TMEM163: variants seen among roughly 807,000 people sequenced by gnomAD.
TMEM163 encodes the protein transmembrane protein 163.
Under a neutral mutation model 29.3 loss-of-function variants are expected in TMEM163, and 17 were observed. That is an observed-to-expected ratio of 0.58 (90% CI 0.40 to 0.87). The LOEUF is 0.87. TMEM163 is among the 40% of genes least tolerant of loss of function. TMEM163 has a pLI of 0.00. For synonymous variants in TMEM163, 157 were observed against 160.6 expected, an observed-to-expected ratio of 0.98 and a Z score of 0.17; for missense variants, 303 against 381.5, an observed-to-expected ratio of 0.79 and a Z score of 1.71.
At chr2:134,583,829 C>T (rs1681751028) in intron 2 of TMEM163, among the ~76,000 whole-genome samples, 1 of 152,172 alleles carries the variant, frequency 6.6e-6, no homozygotes, top group Admixed American at 6.5e-5. Flanking sequence ...CCCTCAATCC[C>T]TCCCATCTTT....
intron 2 of TMEM163, among the ~76,000 whole-genome samples, chr2:134,620,308 G>C (rs1239450201): frequency 6.6e-6 from 1 of 151,040 alleles, no homozygotes; most frequent in African/African-American, 2.4e-5. Context: ...CCAAGCTAGA[G>C]TGCAATGGCG....
intron 4 of TMEM163, among the ~76,000 whole-genome samples, chr2:134,506,661 G>C (rs562548806): frequency 9.8e-5 from 15 of 152,288 alleles, no homozygotes; most frequent in African/African-American, 3.6e-4. Context: ...CCAGCCACAC[G>C]AAAGCTCTGG....
intron 2 of TMEM163, among the ~76,000 whole-genome samples, chr2:134,585,619 G>A (rs1462872645): frequency 2.6e-5 from 4 of 152,072 alleles, no homozygotes; most frequent in Non-Finnish European, 5.9e-5. Context: ...GCGGGCACCT[G>A]TAGTCCCAGC....
At chr2:134,554,782 C>T (rs1396133907) in intron 2 of TMEM163, among the ~76,000 whole-genome samples, 2 of 152,064 alleles carry the variant, frequency 1.3e-5, no homozygotes, top group Admixed American at 6.5e-5. Context: ...AGGAACGATC[C>T]GCTTGTGAGA....
intron 4 of TMEM163, among the ~76,000 whole-genome samples, chr2:134,511,116 T>C (rs975888918): frequency 7.5e-6 from 1 of 133,262 alleles, no homozygotes; most frequent in Non-Finnish European, 1.5e-5. Flanking sequence ...CTGTACATTA[T>C]ATACAGAGAC....
At chr2:134,711,273 T>C (rs2104899696) in intron 2 of TMEM163, among the ~76,000 whole-genome samples, 1 of 152,122 alleles carries the variant, frequency 6.6e-6, no homozygotes, top group East Asian at 1.9e-4. Flanking sequence ...AACAACACAA[T>C]CACAGACCAT....
intron 2 of TMEM163, among the ~76,000 whole-genome samples, chr2:134,576,250 G>A (rs1157731424): frequency 6.6e-6 from 1 of 152,164 alleles, no homozygotes. Flanking sequence ...ATTAGGTTAT[G>A]GACTGTGACT....
At chr2:134,576,490 A>G (rs1041293392) in intron 2 of TMEM163, among the ~76,000 whole-genome samples, 2 of 152,240 alleles carry the variant, frequency 1.3e-5, no homozygotes, top group Non-Finnish European at 2.9e-5. Context: ...AAGTGGCAAT[A>G]AGAATTTTAA....
intron 2 of TMEM163, among the ~76,000 whole-genome samples, chr2:134,699,590 T>C (rs1384377838): frequency 6.6e-6 from 1 of 152,234 alleles, no homozygotes; most frequent in South Asian, 2.1e-4. Flanking sequence ...ACATCACATA[T>C]GCATTCCCTG....
chr2:134,674,329 T>C (rs1171992241), intron 2 of TMEM163, among the ~76,000 whole-genome samples: 2 of 147,852 alleles, frequency 1.4e-5, no homozygotes, highest in Non-Finnish European at 3.0e-5. Context: ...AAAATCAAAA[T>C]AGAGTCATTA....
intron 2 of TMEM163, among the ~76,000 whole-genome samples, chr2:134,562,416 A>G (rs1399726879): frequency 1.3e-5 from 2 of 152,244 alleles, no homozygotes; most frequent in Non-Finnish European, 2.9e-5. Context: ...TGTGACAGTC[A>G]ATTCAGACCA....
At chr2:134,521,877 C>T (rs1680197779) in intron 4 of TMEM163, among the ~76,000 whole-genome samples, 1 of 152,190 alleles carries the variant, frequency 6.6e-6, no homozygotes, top group African/African-American at 2.4e-5. Context: ...TCTCCCACCA[C>T]TCCTCATACC....
At chr2:134,457,648 A>G (rs1447046246) in intron 7 of TMEM163, among the ~76,000 whole-genome samples, 1 of 152,210 alleles carries the variant, frequency 6.6e-6, no homozygotes, top group Non-Finnish European at 1.5e-5. Context: ...ACACTGTTGC[A>G]TCCCCCATTT....
intron 2 of TMEM163, among the ~76,000 whole-genome samples, chr2:134,670,377 T>C (rs796114098): frequency 6.6e-6 from 1 of 152,304 alleles, no homozygotes; most frequent in African/African-American, 2.4e-5. Flanking sequence ...TGGCTAGAAG[T>C]GCATGGCCTC....
chr2:134,485,235 G>T (rs1679281814), intron 5 of TMEM163, among the ~76,000 whole-genome samples: 1 of 152,128 alleles, frequency 6.6e-6, no homozygotes, highest in African/African-American at 2.4e-5. Context: ...GCTGATAGTT[G>T]GTCAAAATCA....
chr2:134,498,071 C>A (rs1679612704), intron 5 of TMEM163, among the ~76,000 whole-genome samples: 2 of 152,222 alleles, frequency 1.3e-5, no homozygotes, highest in South Asian at 4.1e-4. Flanking sequence ...ACTAACTGTT[C>A]ATTTGATCCT....
At chr2:134,482,659 C>A (rs1252816105) in intron 5 of TMEM163, among the ~76,000 whole-genome samples, 1 of 152,212 alleles carries the variant, frequency 6.6e-6, no homozygotes. Flanking sequence ...CACCCCCAAC[C>A]AGCAGATGAG....
At chr2:134,557,079 G>A (rs528747435) in intron 2 of TMEM163, among the ~76,000 whole-genome samples, 26 of 152,134 alleles carry the variant, frequency 1.7e-4, no homozygotes, top group Non-Finnish European at 2.1e-4. Context: ...CTGTTACCTG[G>A]GGAAGGACCT....
At chr2:134,494,274 G>A (rs1462284423) in intron 5 of TMEM163, among the ~76,000 whole-genome samples, 2 of 152,178 alleles carry the variant, frequency 1.3e-5, no homozygotes, top group Non-Finnish European at 2.9e-5. Context: ...GGCACTGATA[G>A]TCTGACACAA....
Sources: allele counts gnomAD v4.1 joint callset (sites outside exome capture counted in the v4.1 genomes callset), GRCh38; gene constraint gnomAD v4.1.1; transcripts MANE v1.5; gene names NCBI Gene and HGNC (gene_info 2026-07-23, HGNC 2026-07-21).